Variants in KCTD1 observed in about 807,000 individuals in gnomAD.
KCTD1 encodes BTB/POZ domain-containing protein KCTD1.
A neutral mutation model predicts 66.0 loss-of-function variants in KCTD1; 24 were observed. That is an observed-to-expected ratio of 0.36 (90% confidence interval 0.26 to 0.51). The LOEUF (loss-of-function observed/expected upper bound fraction) is 0.51, where lower values mean the gene tolerates loss of function less well. Ranked by LOEUF, KCTD1 falls within the 20% of genes least tolerant of loss-of-function variation. The probability of loss-of-function intolerance (pLI) is 0.95; values close to 1 mark genes in which losing one functional copy is unlikely to be tolerated. For missense variants in KCTD1, 943 were observed against 1,205.2 expected (o/e 0.78, Z 3.22); for synonymous variants, 511 against 517.2 (o/e 0.99, Z 0.16).
intron 1 of KCTD1, among the ~76,000 whole-genome samples, chr18:26,517,442 G>A (rs886459001): frequency 6.6e-6 from 1 of 152,078 alleles, no homozygotes; most frequent in Non-Finnish European, 1.5e-5. Flanking sequence ...GATCACCTGC[G>A]GTTGAGAGTT....
At chr18:26,463,833 G>A (rs771167498) in intron 3 of KCTD1, among the ~76,000 whole-genome samples, 15 of 152,266 alleles carry the variant, frequency 9.9e-5, no homozygotes, top group Admixed American at 2.6e-4. Context: ...CACCACGCCC[G>A]GCCTGAATAC....
chr18:26,657,353 A>C (rs1055775890), intron 1 of KCTD1: 2 of 985,342 alleles, frequency 2.0e-6, no homozygotes, highest in African/African-American at 3.5e-5. Context: ...AAACCGTCAG[A>C]TCTTACCTGA....
At chr18:26,631,433 T>C (rs1267140332), upstream of KCTD1, among the ~76,000 whole-genome samples, 1 of 152,142 alleles carries the variant, frequency 6.6e-6, no homozygotes, top group Non-Finnish European at 1.5e-5. Context: ...CTGTAGGCAA[T>C]AGTAACACAA....
chr18:26,582,500 C>T (rs985364961), intron 1 of KCTD1, among the ~76,000 whole-genome samples: 3 of 152,150 alleles, frequency 2.0e-5, no homozygotes, highest in Non-Finnish European at 4.4e-5. Context: ...TATGTAACCA[C>T]AATTTAAAGT....
chr18:26,644,557 G>A (rs1054730619), upstream of KCTD1, among the ~76,000 whole-genome samples: 27 of 152,024 alleles, frequency 1.8e-4, no homozygotes, highest in African/African-American at 6.5e-4. Context: ...TCTGAAGTTC[G>A]AGACCAGCCT....
chr18:26,599,920 C>A, intron 1 of KCTD1: 2 of 1,571,640 alleles, frequency 1.3e-6, no homozygotes, highest in Non-Finnish European at 1.8e-6. Context: ...TTCTTCTAGT[C>A]AGCTTAAGTT....
chr18:26,517,723 G>A lies in KCTD1; in HGVS notation c.1810-16473C>T, dbSNP rs564146676. Among the ~76,000 whole-genome samples the A allele has an allele frequency of 1.5e-3, 224 of 146,504 alleles. 2 individuals are homozygous for A. The highest frequency in any genetic ancestry group is 5.5e-3 in the African/African-American group (217 of 39,482). ...CACAAGCTATCCTCTCTTGTCTGCCGCCACGTGAGACGTGCTTTTCACTTC... is the reference window on the plus strand; with the variant it reads ...CACAAGCTATCCTCTCTTGTCTGCCACCACGTGAGACGTGCTTTTCACTTC... On this transcript the variant is annotated intron_variant, in intron 1 of 4. Coordinates refer to ENST00000580059, the MANE Select transcript of KCTD1 (RefSeq NM_001142730.3).
At chr18:26,560,266 G>A (rs972846932) in intron 1 of KCTD1, among the ~76,000 whole-genome samples, 2 of 151,868 alleles carry the variant, frequency 1.3e-5, no homozygotes, top group South Asian at 2.1e-4. Context: ...CAAAAAATAT[G>A]TATCAATGCC....
At chr18:26,546,648 C>T in intron 1 of KCTD1, 80 bp downstream of exon 1, 1 of 1,441,162 alleles carries the variant, frequency 6.9e-7, no homozygotes, top group Non-Finnish European at 9.2e-7. Context: ...TTCCCCCCTA[C>T]CCAGAGCTGC....
At chr18:26,496,304 T>C (rs562666992) in intron 2 of KCTD1, among the ~76,000 whole-genome samples, 1 of 152,352 alleles carries the variant, frequency 6.6e-6, no homozygotes, top group African/African-American at 2.4e-5. Context: ...ATGTTCTATC[T>C]TCTTTATCCA....
At chr18:26,508,850 C>G (rs565128882) in intron 1 of KCTD1, among the ~76,000 whole-genome samples, 1 of 152,184 alleles carries the variant, frequency 6.6e-6, no homozygotes, top group South Asian at 2.1e-4. Context: ...GATCTTGCTT[C>G]CTGGGATGGA....
intron 1 of KCTD1, among the ~76,000 whole-genome samples, chr18:26,635,237 A>G (rs1470449984): frequency 1.3e-5 from 2 of 152,352 alleles, no homozygotes; most frequent in African/African-American, 4.8e-5. Context: ...ACCAAGTGAC[A>G]CTAAGCAAAA....
At chr18:26,573,350 A>G (rs1986153730) in intron 1 of KCTD1, among the ~76,000 whole-genome samples, 1 of 152,174 alleles carries the variant, frequency 6.6e-6, no homozygotes, top group Non-Finnish European at 1.5e-5. Context: ...TGGTTGTACA[A>G]CAGTGTGAAT....
upstream of KCTD1, among the ~76,000 whole-genome samples, chr18:26,633,570 CA>C (rs34161282): frequency 3.1e-3 from 476 of 152,104 alleles, 1 homozygote; most frequent in African/African-American, 0.011. Flanking sequence ...ATATTGTAAG[CA>C]AATTCAAAAC....
chr18:26,628,841 A>G (rs975157421), intron 1 of KCTD1, among the ~76,000 whole-genome samples: 5 of 152,222 alleles, frequency 3.3e-5, no homozygotes, highest in Admixed American at 1.3e-4. Context: ...CTATGCTATA[A>G]TCACCACAAT....
intron 1 of KCTD1, among the ~76,000 whole-genome samples, chr18:26,651,306 C>T (rs770380855): frequency 6.6e-6 from 1 of 152,134 alleles, no homozygotes; most frequent in Admixed American, 6.5e-5. Context: ...GAAAGCAGAA[C>T]GGCTAATGGG....
At chr18:26,578,584 C>T (rs1399624036) in intron 1 of KCTD1, among the ~76,000 whole-genome samples, 1 of 152,112 alleles carries the variant, frequency 6.6e-6, no homozygotes, top group Admixed American at 6.5e-5. Flanking sequence ...TCAACTGAAC[C>T]AACCTTGGCC....
chr18:26,535,539 T>C (rs573615630), intron 1 of KCTD1, among the ~76,000 whole-genome samples: 13 of 150,232 alleles, frequency 8.7e-5, no homozygotes, highest in Non-Finnish European at 1.9e-4. Context: ...ACACTGACAT[T>C]TGGAAGACTG....
chr18:26,487,389 G>T (rs1490329393), intron 2 of KCTD1, among the ~76,000 whole-genome samples: 1 of 151,972 alleles, frequency 6.6e-6, no homozygotes, highest in Admixed American at 6.6e-5. Flanking sequence ...ACATTTTAAA[G>T]AATCTATCAA....
Sources: gnomAD v4.1 joint callset for allele counts (sites outside exome capture counted in the v4.1 genomes callset) on GRCh38, gnomAD v4.1.1 for gene constraint, MANE v1.5 for transcripts, NCBI Gene and HGNC (gene_info 2026-07-23, HGNC 2026-07-21) for gene names.